SDK1: variants seen among roughly 807,000 people sequenced by gnomAD.
SDK1 encodes sidekick cell adhesion molecule 1, also known as protein sidekick-1.
Under a neutral mutation model 245.5 loss-of-function variants are expected in SDK1, and 157 were observed. The observed-to-expected ratio is 0.64, with a 90% CI of 0.56 to 0.73. The LOEUF (loss-of-function observed/expected upper bound fraction) is 0.73, where lower values mean the gene tolerates loss of function less well. SDK1 is among the 30% of genes least tolerant of loss of function. SDK1 has a pLI of 0.00. For synonymous variants in SDK1, 1,647 were observed against 1,278.5 expected, an observed-to-expected ratio of 1.29 and a Z score of -6.15; for missense variants, 3,583 against 3,002.3, an observed-to-expected ratio of 1.19 and a Z score of -4.52.
chr7:4,071,315 A>C (rs1780243369), intron 20 of SDK1, among the ~76,000 whole-genome samples: 1 of 152,214 alleles, frequency 6.6e-6, no homozygotes, highest in Admixed American at 6.5e-5. Context: ...ATGAGCCACC[A>C]CGCCTGGCCT....
chr7:3,744,180 G>A (rs1308234888), intron 4 of SDK1, among the ~76,000 whole-genome samples: 1 of 151,878 alleles, frequency 6.6e-6, no homozygotes, highest in Non-Finnish European at 1.5e-5. Flanking sequence ...ACTTTATTTA[G>A]TTGGTTTCTC....
At chr7:3,472,280 G>A (rs1781209309) in intron 1 of SDK1, among the ~76,000 whole-genome samples, 2 of 152,260 alleles carry the variant, frequency 1.3e-5, no homozygotes, top group South Asian at 4.1e-4. Flanking sequence ...TAGCTGGGGA[G>A]GGGGTATAGA....
intron 1 of SDK1, among the ~76,000 whole-genome samples, chr7:3,547,980 T>A (rs1361146408): frequency 1.3e-5 from 2 of 152,246 alleles, no homozygotes; most frequent in African/African-American, 2.4e-5. Flanking sequence ...TTCTTCCTTC[T>A]GTTCTTTTGA....
At chr7:3,832,150 G>C (rs1336972500) in intron 5 of SDK1, among the ~76,000 whole-genome samples, 1 of 152,104 alleles carries the variant, frequency 6.6e-6, no homozygotes, top group Non-Finnish European at 1.5e-5. Flanking sequence ...TTGCAGATGA[G>C]GTAACAAATC....
Position 3,641,959 on chromosome 7 carries a change from T to C in SDK1, c.567T>C (p.Tyr189=), listed in dbSNP as rs1225365378. 6.2e-7 allele frequency: 1 copy of C among 1,611,820 alleles called. No homozygotes were observed. The highest frequency in any genetic ancestry group is 1.1e-5 in the South Asian group (1 of 90,516). ...GAAAGCACTTCTTTTTCTCTGCAGA[T>C]ATGGGAAGTTTCATGGATACGGACC... ...LQRKSEVQVA[Y]MGSFMDTDQR... The change falls in exon 4 of 45, where the codon TAT becomes TAC. Residue 189 remains tyrosine (Y), a splice_region_variant and synonymous_variant. Transcript: ENST00000404826.
intron 22 of SDK1, among the ~76,000 whole-genome samples, chr7:4,087,201 A>G (rs1055188527): frequency 6.6e-6 from 1 of 152,146 alleles, no homozygotes; most frequent in African/African-American, 2.4e-5. Flanking sequence ...TGGTTCTTGT[A>G]TATGGAGTGA....
At chr7:3,702,215 T>G (rs577267633) in intron 4 of SDK1, among the ~76,000 whole-genome samples, 2 of 152,174 alleles carry the variant, frequency 1.3e-5, no homozygotes, top group African/African-American at 2.4e-5. Context: ...ATAAACTATT[T>G]CTAAGCTACA....
At position 4,268,353 on chromosome 7, in the gene SDK1, A is replaced by AC; in HGVS notation, c.*2974dup. 9.5e-7 allele frequency: 1 copy of AC among 1,049,142 alleles called. No homozygotes were observed. Among genetic ancestry groups the AC allele is most frequent in the Non-Finnish European group, 1.2e-6 (1 of 866,538 alleles). The allele number at this position is 1,049,142 out of a possible 1,614,324, so 65.0% of individuals were successfully genotyped here. A position where few individuals can be genotyped will look rare whatever the true frequency, so the allele number is the denominator to read the frequency against. On this transcript the variant is annotated 3_prime_UTR_variant, in exon 45 of 45. Transcript: ENST00000404826. ...AGCCCAGAGAGAGCTGCCAGGCCAC[A>AC]CCCCCTCGGCCTCCTGCACGGCCAC...
chr7:3,881,965 G>C (rs1453647665), intron 5 of SDK1, among the ~76,000 whole-genome samples: 4 of 152,092 alleles, frequency 2.6e-5, no homozygotes, highest in African/African-American at 9.7e-5. Context: ...ACATACCTGA[G>C]ACTGGGTAAT....
intron 4 of SDK1, among the ~76,000 whole-genome samples, chr7:3,644,004 G>A (rs973740932): frequency 1.3e-5 from 2 of 151,190 alleles, no homozygotes; most frequent in Admixed American, 6.6e-5. Flanking sequence ...CCAGGTTCAA[G>A]CGATTCTCCT....
At chr7:4,177,416 G>C (rs570438719) in intron 34 of SDK1, among the ~76,000 whole-genome samples, 4 of 152,196 alleles carry the variant, frequency 2.6e-5, no homozygotes, top group African/African-American at 9.7e-5. Flanking sequence ...TGCGGAGCTG[G>C]TGCTTGGCCC....
chr7:3,654,552 C>T (rs1783103782), intron 4 of SDK1, among the ~76,000 whole-genome samples: 1 of 152,320 alleles, frequency 6.6e-6, no homozygotes, highest in East Asian at 1.9e-4. Context: ...TTGACATCTA[C>T]ACCATCACAT....
At chr7:4,110,394 G>T (rs948195984) in intron 22 of SDK1, among the ~76,000 whole-genome samples, 1 of 152,186 alleles carries the variant, frequency 6.6e-6, no homozygotes, top group Non-Finnish European at 1.5e-5. Flanking sequence ...TGTTCCCAGG[G>T]GTTTCACTGT....
chr7:3,447,983 T>A (rs1230457394), intron 1 of SDK1, among the ~76,000 whole-genome samples: 1 of 152,094 alleles, frequency 6.6e-6, no homozygotes, highest in Non-Finnish European at 1.5e-5. Flanking sequence ...GGATTGCAGG[T>A]GTGAGCCACT....
At chr7:3,573,533 G>A (rs1035370148) in intron 1 of SDK1, among the ~76,000 whole-genome samples, 7 of 152,072 alleles carry the variant, frequency 4.6e-5, no homozygotes, top group Non-Finnish European at 7.4e-5. Flanking sequence ...CAGCCTCCAC[G>A]TGTGCACCTC....
At chr7:3,925,585 C>G (rs981467181) in intron 5 of SDK1, among the ~76,000 whole-genome samples, 4 of 152,240 alleles carry the variant, frequency 2.6e-5, no homozygotes, top group African/African-American at 7.2e-5. Context: ...TCGCTGTTGT[C>G]AGCCATCCAG....
chr7:3,408,624 A>G (rs1421985337), intron 1 of SDK1, among the ~76,000 whole-genome samples: 1 of 152,094 alleles, frequency 6.6e-6, no homozygotes, highest in Non-Finnish European at 1.5e-5. Flanking sequence ...TGTATGTTGA[A>G]CTGATATTCT....
chr7:3,534,567 A>T (rs1194117155), intron 1 of SDK1, among the ~76,000 whole-genome samples: 2 of 151,988 alleles, frequency 1.3e-5, no homozygotes, highest in African/African-American at 4.8e-5. Flanking sequence ...TGGTGGTCCC[A>T]TCCCAACAGG....
intron 4 of SDK1, among the ~76,000 whole-genome samples, chr7:3,728,161 CGT>C (rs1779070678): frequency 6.6e-6 from 1 of 152,202 alleles, no homozygotes; most frequent in Non-Finnish European, 1.5e-5. Context: ...ATCAGCATGG[CGT>C]GTCACTGTTG....
Sources: allele counts gnomAD v4.1 joint callset (sites outside exome capture counted in the v4.1 genomes callset), GRCh38; gene constraint gnomAD v4.1.1; transcripts MANE v1.5; gene names NCBI Gene and HGNC (gene_info 2026-07-23, HGNC 2026-07-21).